Variants in GPC5 observed in about 807,000 individuals in gnomAD.
GPC5 encodes glypican 5.
GPC5 carries 47 observed loss-of-function variants against 53.9 expected under a neutral mutation model. The ratio of observed to expected loss-of-function variants is 0.87; its 90% CI spans 0.69 to 1.11. The LOEUF (loss-of-function observed/expected upper bound fraction) is 1.11, where lower values mean the gene tolerates loss of function less well. Among genes scored for constraint, GPC5 ranks in the 50% most tolerant of loss-of-function variants. GPC5 has a pLI of 0.00. For synonymous variants in GPC5, 286 were observed against 263.3 expected (o/e 1.09, Z -0.84); for missense variants, 748 against 713.1 (o/e 1.05, Z -0.56).
At chr13:91,461,705 C>T (rs1881938408) in intron 2 of GPC5, among the ~76,000 whole-genome samples, 1 of 151,974 alleles carries the variant, frequency 6.6e-6, no homozygotes, top group South Asian at 2.1e-4. Context: ...GGCAGTAAAA[C>T]ATTTCATGGC....
At chr13:92,279,357 T>A (rs2042897345) in intron 7 of GPC5, among the ~76,000 whole-genome samples, 1 of 152,092 alleles carries the variant, frequency 6.6e-6, no homozygotes, top group Non-Finnish European at 1.5e-5. Flanking sequence ...TTAAGTTTTT[T>A]ATATTCATCT....
intron 3 of GPC5, among the ~76,000 whole-genome samples, chr13:91,697,597 T>C (rs1047973171): frequency 7.9e-5 from 12 of 152,178 alleles, no homozygotes; most frequent in African/African-American, 2.9e-4. Context: ...TAGACAAGTC[T>C]CTAACGTATT....
intron 7 of GPC5, among the ~76,000 whole-genome samples, chr13:92,591,572 A>G (rs908562600): frequency 6.6e-6 from 1 of 152,178 alleles, no homozygotes; most frequent in Admixed American, 6.5e-5. Context: ...ATTGATTACC[A>G]CACATAGTTG....
At chr13:92,833,307 T>G (rs1025329444) in intron 7 of GPC5, among the ~76,000 whole-genome samples, 1 of 152,102 alleles carries the variant, frequency 6.6e-6, no homozygotes, top group Non-Finnish European at 1.5e-5. Context: ...CACAACCTCC[T>G]AAGAAGTTAA....
At chr13:92,728,866 A>G in intron 7 of GPC5, among the ~76,000 whole-genome samples, 1 of 151,550 alleles carries the variant, frequency 6.6e-6, no homozygotes, top group East Asian at 1.9e-4. Context: ...TGCAGAAACT[A>G]GGAACTGGAA....
intron 7 of GPC5, among the ~76,000 whole-genome samples, chr13:92,665,796 C>A (rs2139195808): frequency 1.3e-5 from 2 of 152,266 alleles, no homozygotes; most frequent in Middle Eastern, 3.4e-3. Flanking sequence ...ATACCAAATG[C>A]CTTATGTGTA....
At chr13:92,766,245 A>G (rs1451080309) in intron 7 of GPC5, among the ~76,000 whole-genome samples, 2 of 152,134 alleles carry the variant, frequency 1.3e-5, no homozygotes, top group African/African-American at 4.8e-5. Flanking sequence ...AAGAACTCAA[A>G]TTGCAAAATC....
chr13:92,734,641 C>T (rs1011609318), intron 7 of GPC5, among the ~76,000 whole-genome samples: 10 of 151,850 alleles, frequency 6.6e-5, no homozygotes, highest in Non-Finnish European at 8.8e-5. Flanking sequence ...CACTCTTAGT[C>T]CATATAAACA....
intron 5 of GPC5, among the ~76,000 whole-genome samples, chr13:91,789,460 T>C (rs1178979018): frequency 6.6e-6 from 1 of 152,118 alleles, no homozygotes; most frequent in Non-Finnish European, 1.5e-5. Context: ...ATAAAAACAA[T>C]TTTTCCATAT....
intron 5 of GPC5, among the ~76,000 whole-genome samples, chr13:91,885,954 G>A (rs2039317192): frequency 6.9e-6 from 1 of 145,428 alleles, no homozygotes; most frequent in African/African-American, 2.6e-5. Flanking sequence ...CTTGTATACA[G>A]GATCATTTTT....
At chr13:91,790,585 T>C (rs1239350252) in intron 5 of GPC5, among the ~76,000 whole-genome samples, 1 of 152,228 alleles carries the variant, frequency 6.6e-6, no homozygotes, top group Non-Finnish European at 1.5e-5. Context: ...ATGATTTCTA[T>C]GGTGTAAATC....
chr13:92,596,865 G>A (rs939694042), intron 7 of GPC5, among the ~76,000 whole-genome samples: 8 of 152,082 alleles, frequency 5.3e-5, no homozygotes, highest in East Asian at 1.9e-4. Flanking sequence ...GTTTAGTGAC[G>A]ACATTAAAAG....
chr13:92,467,394 T>C (rs953066883), intron 7 of GPC5, among the ~76,000 whole-genome samples: 3 of 152,120 alleles, frequency 2.0e-5, no homozygotes, highest in African/African-American at 7.2e-5. Context: ...TTTATGCTTA[T>C]AGATGAGTCT....
At chr13:91,545,568 T>C (rs1452534219) in intron 2 of GPC5, among the ~76,000 whole-genome samples, 1 of 152,162 alleles carries the variant, frequency 6.6e-6, no homozygotes, top group African/African-American at 2.4e-5. Flanking sequence ...ATACTGTATC[T>C]ACCCTTTTAT....
intron 7 of GPC5, among the ~76,000 whole-genome samples, chr13:92,306,057 C>T (rs985487219): frequency 5.3e-5 from 8 of 152,086 alleles, no homozygotes; most frequent in African/African-American, 1.9e-4. Context: ...TCCATTAAGT[C>T]CAGCTGTGAC....
chr13:91,862,145 C>T (rs145940214), intron 5 of GPC5, among the ~76,000 whole-genome samples: 2 of 151,940 alleles, frequency 1.3e-5, no homozygotes, highest in Non-Finnish European at 1.5e-5. Context: ...TCTAATTTGG[C>T]GTTTTGATTT....
intron 6 of GPC5, among the ~76,000 whole-genome samples, chr13:91,976,869 G>A (rs561391935): frequency 1.8e-4 from 28 of 151,962 alleles, no homozygotes; most frequent in East Asian, 1.9e-4. Flanking sequence ...GTGAAACCCC[G>A]TCTCTACTAA....
intron 5 of GPC5, among the ~76,000 whole-genome samples, chr13:91,862,115 T>C (rs2039036607): frequency 6.6e-6 from 1 of 152,190 alleles, no homozygotes; most frequent in Admixed American, 6.5e-5. Context: ...ATACTTATCA[T>C]TTCTATGCTT....
chr13:92,315,230 T>G (rs1422085466), intron 7 of GPC5, among the ~76,000 whole-genome samples: 1 of 152,204 alleles, frequency 6.6e-6, no homozygotes, highest in Non-Finnish European at 1.5e-5. Flanking sequence ...TCTGGAATAA[T>G]CCCAGGAGCA....
Sources: gnomAD v4.1 joint callset for allele counts (sites outside exome capture counted in the v4.1 genomes callset) on GRCh38, gnomAD v4.1.1 for gene constraint, MANE v1.5 for transcripts, NCBI Gene and HGNC (gene_info 2026-07-23, HGNC 2026-07-21) for gene names.